Variants in FAM131C observed in about 807,000 individuals in gnomAD.
FAM131C encodes family with sequence similarity 131 member C.
FAM131C carries 14 observed loss-of-function variants against 29.8 expected under a neutral mutation model. That is an observed-to-expected ratio of 0.47 (90% confidence interval 0.31 to 0.73). The LOEUF (loss-of-function observed/expected upper bound fraction) is 0.73. Among genes scored for constraint, FAM131C ranks in the 30% least tolerant of loss-of-function variants. The pLI is 0.05. For synonymous variants in FAM131C, 86 were observed against 157.8 expected (o/e 0.54, Z 3.41); for missense variants, 252 against 383.8 (o/e 0.66, Z 2.87).
At chr1:16,064,562 G>A (rs1015497524) in intron 1 of FAM131C, among the ~76,000 whole-genome samples, 10 of 152,146 alleles carry the variant, frequency 6.6e-5, no homozygotes, top group African/African-American at 2.4e-4. Context: ...GCTGCGATGT[G>A]TCTTGGGCTC....
intron 1 of FAM131C, among the ~76,000 whole-genome samples, 162 bp downstream of exon 1, chr1:16,073,259 T>C (rs2023776315): frequency 2.0e-5 from 3 of 151,936 alleles, no homozygotes; most frequent in Non-Finnish European, 4.4e-5. Context: ...CCCCGCCCCC[T>C]ACCGTCCCTA....
chr1:16,073,459 C>G lies in FAM131C; in HGVS notation c.-17G>C. 8.3e-7 allele frequency: 1 copy of G among 1,201,802 alleles called. No homozygotes were observed. The highest frequency in any genetic ancestry group is 1.0e-6 in the Non-Finnish European group (1 of 967,936). The allele number at this position is 1,201,802 out of a possible 1,614,324, so 74.4% of individuals were successfully genotyped here. On this transcript the variant is annotated 5_prime_UTR_variant, in exon 1 of 7. Coordinates refer to ENST00000375662, the MANE Select transcript of FAM131C (RefSeq NM_182623.3). ...GGAGCCCATCACGGGGCCGCGGGGC[C>G]GGGCCGCTGCGCCCGGGGTGCGTGG... is the stretch of plus-strand genomic sequence containing the variant.
intron 4 of FAM131C, among the ~76,000 whole-genome samples, chr1:16,061,804 G>T (rs910145428): frequency 7.9e-5 from 12 of 151,644 alleles, no homozygotes; most frequent in African/African-American, 2.9e-4. Flanking sequence ...GAACTAAGGT[G>T]ATGGGACTGG....
chr1:16,072,985 G>T (rs2023769670), intron 1 of FAM131C, among the ~76,000 whole-genome samples: 1 of 151,980 alleles, frequency 6.6e-6, no homozygotes, highest in African/African-American at 2.4e-5. Flanking sequence ...CCGGTAAGAC[G>T]TGGGAAGGGG....
intron 1 of FAM131C, among the ~76,000 whole-genome samples, chr1:16,068,990 G>C (rs964814573): frequency 6.6e-6 from 1 of 152,192 alleles, no homozygotes; most frequent in African/African-American, 2.4e-5. Flanking sequence ...GGTACTGTCT[G>C]TCCTAGGCCT....
chr1:16,063,971 C>T (rs2023641404), intron 1 of FAM131C, among the ~76,000 whole-genome samples: 1 of 152,104 alleles, frequency 6.6e-6, no homozygotes. Context: ...TTGCTCCTGG[C>T]CCGGCTGACA....
rs2023635108 is a variant in FAM131C at position 16,063,541 on chromosome 1, G to A, written c.118C>T (p.Pro40Ser). 1 of 1,613,802 alleles carries A rather than the reference G, an allele frequency of 6.2e-7. No homozygotes were observed. The highest frequency in any genetic ancestry group is 1.1e-5 in the South Asian group (1 of 91,066). The change falls in exon 2 of 7, where the codon CCA (proline) becomes TCA (serine). Residue 40 changes from proline to serine, a missense_variant. Around this residue, in one of 6 missense-constraint regions of FAM131C, gnomAD observed 76 missense variants for 62.8 expected, o/e 1.21. Transcript: ENST00000375662. ...LPSGRTPTVA[P>S]DCVIGKDKQM... The stretch of plus-strand genomic sequence containing the variant: ...GTTACCTTGCCAATGACACAGTCTG[G>A]AGCCACGGTGGGAGTGCGGCCCGAG...
Position 16,063,501 on chromosome 1 carries a change from G to T in FAM131C, c.138+20C>A. 6.3e-7 allele frequency: 1 copy of T among 1,580,258 alleles called. No individual in the cohort carries two copies. The highest frequency in any genetic ancestry group is 1.3e-5 in the African/African-American group (1 of 74,294). ...GGAACCGGGGCGCAGGTAGCACAGG[G>T]ATGAGGAGCAGCCAGTTACCTTGCC... On this transcript the variant is annotated intron_variant, in intron 2 of 6. Coordinates refer to ENST00000375662, the MANE Select transcript of FAM131C (RefSeq NM_182623.3).
chr1:16,069,806 G>A (rs1292335121), intron 1 of FAM131C, among the ~76,000 whole-genome samples: 1 of 152,184 alleles, frequency 6.6e-6, no homozygotes, highest in Non-Finnish European at 1.5e-5. Flanking sequence ...TTGTTGCCCA[G>A]GCTAGAGTGC....
intron 2 of FAM131C, among the ~76,000 whole-genome samples, chr1:16,063,163 A>G (rs1009619115): frequency 1.3e-5 from 2 of 148,344 alleles, no homozygotes; most frequent in African/African-American, 2.4e-5. Flanking sequence ...TATATAAGTT[A>G]TATATTATAT....
At chr1:16,071,380 A>T (rs2023747719) in intron 1 of FAM131C, among the ~76,000 whole-genome samples, 1 of 152,130 alleles carries the variant, frequency 6.6e-6, no homozygotes, top group Non-Finnish European at 1.5e-5. Context: ...CAGTTTTCCC[A>T]CTTGTAAGAT....
intron 1 of FAM131C, among the ~76,000 whole-genome samples, chr1:16,065,769 C>T (rs2023674390): frequency 6.6e-6 from 1 of 152,232 alleles, no homozygotes; most frequent in Non-Finnish European, 1.5e-5. Context: ...CCTCCTCCAT[C>T]CTCCTCTCGC....
chr1:16,063,157 TAA>T (rs112550729), intron 2 of FAM131C, among the ~76,000 whole-genome samples: 15,681 of 147,964 alleles, frequency 0.11, 1,566 homozygotes, highest in African/African-American at 0.26. Context: ...ATAATATATA[TAA>T]GTTATATATT....
chr1:16,069,463 C>T (rs963272660), intron 1 of FAM131C, among the ~76,000 whole-genome samples: 22 of 152,312 alleles, frequency 1.4e-4, no homozygotes, highest in Non-Finnish European at 1.3e-4. Context: ...AGAAAATTCT[C>T]GGTCTCTAAT....
At chr1:16,066,967 G>A (rs1471457486) in intron 1 of FAM131C, among the ~76,000 whole-genome samples, 1 of 152,198 alleles carries the variant, frequency 6.6e-6, no homozygotes, top group Admixed American at 6.5e-5. Flanking sequence ...GCCATCCCCT[G>A]AAGCTTTTTT....
In FAM131C at chr1:16,062,194, T is replaced by C; in HGVS notation, c.175-2A>G. 2.7e-5 allele frequency: 44 copies of C among 1,609,976 alleles called. No homozygotes were observed. The highest frequency in any genetic ancestry group is 3.7e-5 in the Non-Finnish European group (44 of 1,178,612). ...GCCGTTGGTGGTCTGGAAGCACCTC[T>C]GGAGGAAGTGGCAGGAGGAGTGAGC... is the stretch of plus-strand genomic sequence containing the variant. On this transcript the variant is annotated splice_acceptor_variant, in intron 3 of 6. Coordinates refer to ENST00000375662, the MANE Select transcript of FAM131C (RefSeq NM_182623.3). LOFTEE classifies it high-confidence loss of function.
At chr1:16,065,432 G>A (rs546364357) in intron 1 of FAM131C, among the ~76,000 whole-genome samples, 3 of 152,364 alleles carry the variant, frequency 2.0e-5, no homozygotes, top group South Asian at 2.1e-4. Context: ...CGCCAGCGGA[G>A]GGACTTAATG....
rs1174915498 is a variant in FAM131C, at chr1:16,073,538, G to C, written c.-96C>G. The C allele has an allele frequency of 1.4e-6, 1 of 696,378 alleles. No individual in the cohort carries two copies. The highest frequency in any genetic ancestry group is 1.9e-6 in the Non-Finnish European group (1 of 519,540). The allele number at this position is 696,378 out of a possible 1,614,324, so 43.1% of individuals were successfully genotyped here. ...CCCGGGGCTGAGCGCTGCGGAGCCA[G>C]AGGACGGGCGGGGCGGGGGGCTCGG... is the stretch of plus-strand genomic sequence containing the variant. On this transcript the variant is annotated 5_prime_UTR_variant, in exon 1 of 7. Coordinates refer to ENST00000375662, the MANE Select transcript of FAM131C (RefSeq NM_182623.3).
rs528951799 is a variant in FAM131C at position 16,072,456 on chromosome 1, T to G, written c.22+965A>C. ...GTGGTCAGTGGGTTTGGCCTCAGCC[T>G]GCAGAGCCTGAACCAAGGCCAAAGC... On this transcript the variant is annotated intron_variant, in intron 1 of 6. Transcript: ENST00000375662. Among the ~76,000 whole-genome samples, 17 of 152,220 alleles carry G rather than the reference T, an allele frequency of 1.1e-4. No individual in the cohort carries two copies. The East Asian group carries it at 3.1e-3, about 28-fold the overall frequency.
Sources: gnomAD v4.1 joint callset for allele counts (sites outside exome capture counted in the v4.1 genomes callset) on GRCh38, gnomAD v4.1.1 for gene constraint, gnomAD v4.1.1 regional missense constraint, MANE v1.5 for transcripts, NCBI Gene and HGNC (gene_info 2026-07-23, HGNC 2026-07-21) for gene names.